Variants in CAMK1D observed in about 807,000 individuals in gnomAD.
The protein encoded by CAMK1D is calcium/calmodulin-dependent protein kinase type 1D.
In CAMK1D, 9 loss-of-function variants were observed where a neutral mutation model predicts 47.7. That is an observed-to-expected ratio of 0.19 (90% CI 0.11 to 0.33). The LOEUF is 0.33. Among genes scored for constraint, CAMK1D ranks in the 10% least tolerant of loss-of-function variants. CAMK1D has a pLI of 1.00. For missense variants in CAMK1D, 291 were observed against 488.7 expected, an observed-to-expected ratio of 0.60 and a Z score of 3.81; for synonymous variants, 184 against 184.9, an observed-to-expected ratio of 0.99 and a Z score of 0.04.
At chr10:12,718,977 A>C (rs1367722717) in intron 3 of CAMK1D, among the ~76,000 whole-genome samples, 1 of 151,694 alleles carries the variant, frequency 6.6e-6, no homozygotes, top group African/African-American at 2.4e-5. Flanking sequence ...CATAGACCCC[A>C]CTCTTGGGCA....
At chr10:12,442,939 GCTTT>G (rs1312413096) in intron 1 of CAMK1D, among the ~76,000 whole-genome samples, 1 of 152,098 alleles carries the variant, frequency 6.6e-6, no homozygotes, top group African/African-American at 2.4e-5. Flanking sequence ...GAATTTCTTT[GCTTT>G]CTTCCCATTT....
chr10:12,733,550 A>G (rs1009336211), intron 3 of CAMK1D, among the ~76,000 whole-genome samples: 3 of 152,160 alleles, frequency 2.0e-5, no homozygotes, highest in Admixed American at 6.5e-5. Context: ...CATTTCATCA[A>G]TCCTCAGTGT....
intron 2 of CAMK1D, among the ~76,000 whole-genome samples, chr10:12,563,286 C>T (rs926285016): frequency 1.3e-5 from 2 of 152,092 alleles, no homozygotes; most frequent in Non-Finnish European, 2.9e-5. Context: ...GTCCAGGAGT[C>T]GAGGCTGCAG....
At chr10:12,372,111 T>A (rs1371090369) in intron 1 of CAMK1D, among the ~76,000 whole-genome samples, 1 of 152,240 alleles carries the variant, frequency 6.6e-6, no homozygotes, top group Non-Finnish European at 1.5e-5. Flanking sequence ...CTAGGAGCAG[T>A]AGCTGTATCA....
Position 12,827,170 on chromosome 10 carries a change from C to A in CAMK1D, c.1039+1480C>A, listed in dbSNP as rs568534129. Among the ~76,000 whole-genome samples the A allele has an allele frequency of 3.9e-5, 3 of 77,236 alleles. No individual in the cohort carries two copies. In the East Asian group the frequency reaches 2.0e-3, roughly 53 times the overall value. The allele number at this position is 77,236 out of a possible 152,430, so 50.7% of individuals were successfully genotyped here. On this transcript the variant is annotated intron_variant, in intron 10 of 10. Transcript: ENST00000619168. ...TTTCCCTCCTTTATTTCCCTCCTTCCCTCTCTCTTCTCTCTTTTCTTTTCC... is the reference window on the plus strand; with the variant it reads ...TTTCCCTCCTTTATTTCCCTCCTTCACTCTCTCTTCTCTCTTTTCTTTTCC...
intron 3 of CAMK1D, among the ~76,000 whole-genome samples, chr10:12,736,349 C>T (rs116644438): frequency 0.011 from 1,735 of 152,226 alleles, 33 homozygotes; most frequent in African/African-American, 0.039. Flanking sequence ...GTAGCCTTGC[C>T]CCAGAGGCTC....
chr10:12,453,091 G>T (rs962817785), intron 1 of CAMK1D, among the ~76,000 whole-genome samples: 2 of 152,046 alleles, frequency 1.3e-5, no homozygotes, highest in Non-Finnish European at 2.9e-5. Context: ...TGTTGAAGTG[G>T]ATTCGTCAAT....
chr10:12,517,139 G>A (rs554073987), intron 1 of CAMK1D, among the ~76,000 whole-genome samples: 3 of 152,290 alleles, frequency 2.0e-5, no homozygotes, highest in South Asian at 2.1e-4. Context: ...TATTTTTGCA[G>A]CTGTTGTGAA....
chr10:12,606,009 G>A (rs1188527113), intron 2 of CAMK1D, among the ~76,000 whole-genome samples: 1 of 152,322 alleles, frequency 6.6e-6, no homozygotes, highest in Middle Eastern at 3.4e-3. Context: ...AAAGGTCATC[G>A]TAGGCCTGAC....
At chr10:12,724,168 G>T (rs75332170) in intron 3 of CAMK1D, among the ~76,000 whole-genome samples, 4,748 of 152,266 alleles carry the variant, frequency 0.031, 176 homozygotes, top group African/African-American at 0.091. Context: ...TTTTATATTT[G>T]TAATAGAGAT....
At chr10:12,394,104 C>T (rs1442208101) in intron 1 of CAMK1D, among the ~76,000 whole-genome samples, 4 of 152,204 alleles carry the variant, frequency 2.6e-5, no homozygotes, top group Non-Finnish European at 4.4e-5. Flanking sequence ...TCCCAACACA[C>T]GTTTGATCGT....
At chr10:12,811,015 A>G (rs1449062908) in intron 6 of CAMK1D, among the ~76,000 whole-genome samples, 4 of 152,260 alleles carry the variant, frequency 2.6e-5, no homozygotes, top group African/African-American at 9.6e-5. Context: ...AGTAAGATGT[A>G]AGAGTTCTTC....
chr10:12,456,992 G>A (rs1229022894), intron 1 of CAMK1D, among the ~76,000 whole-genome samples: 2 of 152,144 alleles, frequency 1.3e-5, no homozygotes, highest in African/African-American at 2.4e-5. Flanking sequence ...ACACCAGAGT[G>A]TTGGAAGCCG....
intron 2 of CAMK1D, among the ~76,000 whole-genome samples, chr10:12,666,129 T>C (rs889159597): frequency 1.3e-5 from 2 of 152,058 alleles, no homozygotes; most frequent in African/African-American, 4.8e-5. Flanking sequence ...TGAGTAGCAC[T>C]GATCTAGTTT....
At chr10:12,820,719 C>G (rs532679190) in intron 8 of CAMK1D, among the ~76,000 whole-genome samples, 1 of 152,328 alleles carries the variant, frequency 6.6e-6, no homozygotes, top group African/African-American at 2.4e-5. Flanking sequence ...CTTTTCAGAG[C>G]TCCCCCTTGG....
intron 1 of CAMK1D, among the ~76,000 whole-genome samples, chr10:12,400,968 C>T (rs1220757055): frequency 7.0e-6 from 1 of 142,024 alleles, no homozygotes; most frequent in Non-Finnish European, 1.5e-5. Context: ...ACCAGAAAAA[C>T]AAACAAAAAA....
intron 3 of CAMK1D, among the ~76,000 whole-genome samples, chr10:12,757,199 T>C (rs1295185899): frequency 1.3e-5 from 2 of 152,134 alleles, no homozygotes; most frequent in African/African-American, 4.8e-5. Flanking sequence ...GGTGCGATCA[T>C]AGCTCACTGC....
At chr10:12,657,632 A>C (rs542858173) in intron 2 of CAMK1D, among the ~76,000 whole-genome samples, 5 of 152,222 alleles carry the variant, frequency 3.3e-5, no homozygotes, top group African/African-American at 1.2e-4. Context: ...TAGTCACTTG[A>C]ATCATTTTCT....
chr10:12,614,463 G>A (rs528293254), intron 2 of CAMK1D, among the ~76,000 whole-genome samples: 12 of 152,240 alleles, frequency 7.9e-5, no homozygotes, highest in Admixed American at 4.6e-4. Context: ...CATGTGTTCC[G>A]CATATTGTAA....
Sources: allele counts gnomAD v4.1 joint callset (sites outside exome capture counted in the v4.1 genomes callset), GRCh38; gene constraint gnomAD v4.1.1; transcripts MANE v1.5; gene names NCBI Gene and HGNC (gene_info 2026-07-23, HGNC 2026-07-21).